Variants in SPMAP2 observed in about 807,000 individuals in gnomAD.
SPMAP2 encodes Theg homolog.
chr19:375,802 G>C, the SPMAP2 span: 1 of 1,610,032 alleles, frequency 6.2e-7, no homozygotes, highest in Non-Finnish European at 8.5e-7. Context: ...GGGTCTTCTG[G>C]TCCCAGCTCT....
the SPMAP2 span, chr19:371,308 C>T: frequency 2.0e-6 from 3 of 1,479,124 alleles, no homozygotes; most frequent in East Asian, 2.6e-5. Flanking sequence ...AGGAATGGGC[C>T]AGACAGGAGT....
At chr19:374,032 A>G in the SPMAP2 span, 1 of 1,610,578 alleles carries the variant, frequency 6.2e-7, no homozygotes, top group Non-Finnish European at 8.5e-7. Flanking sequence ...ACAGGGTCCG[A>G]GCCCCACTGC....
chr19:372,169 C>T, the SPMAP2 span, among the ~76,000 whole-genome samples: 27 of 148,948 alleles, frequency 1.8e-4, no homozygotes, highest in Non-Finnish European at 1.0e-4. Context: ...TTCCTTCATA[C>T]GCTGCATAAA....
chr19:375,309 T>C, the SPMAP2 span, among the ~76,000 whole-genome samples: 2 of 152,242 alleles, frequency 1.3e-5, no homozygotes, highest in African/African-American at 4.8e-5. Flanking sequence ...TTTTTTCCCA[T>C]TTCTTATTCT....
At chr19:362,326 G>A in the SPMAP2 span, 1 of 1,610,806 alleles carries the variant, frequency 6.2e-7, no homozygotes, top group Admixed American at 1.7e-5. Flanking sequence ...GCTTGGCCAG[G>A]GAGATGATCC....
At chr19:371,124 C>A in the SPMAP2 span, 1 of 818,158 alleles carries the variant, frequency 1.2e-6, no homozygotes, top group Non-Finnish European at 1.8e-6. Context: ...CCCTGACTCC[C>A]AAACGCAAAG....
At chr19:372,566 G>T in the SPMAP2 span, 1 of 1,528,974 alleles carries the variant, frequency 6.5e-7, no homozygotes, top group Non-Finnish European at 9.1e-7. Context: ...ATCCTGTCAG[G>T]CGAGAATAAG....
At chr19:362,004 C>A in the SPMAP2 span, 9 of 425,190 alleles carry the variant, frequency 2.1e-5, no homozygotes, top group East Asian at 3.3e-4. Flanking sequence ...AGAAGGCGCT[C>A]GAGATGGTCA....
At chr19:362,284 G>A in the SPMAP2 span, 30 of 1,602,846 alleles carry the variant, frequency 1.9e-5, no homozygotes, top group Admixed American at 2.0e-4. Flanking sequence ...GACGCCTGTC[G>A]TATCCCTCGT....
chr19:364,275 T>G, the SPMAP2 span, among the ~76,000 whole-genome samples: 1 of 139,578 alleles, frequency 7.2e-6, no homozygotes. Context: ...AGGCGGAGCT[T>G]GCAGTGAGCT....
At chr19:369,259 T>C in the SPMAP2 span, among the ~76,000 whole-genome samples, 4 of 152,038 alleles carry the variant, frequency 2.6e-5, no homozygotes, top group African/African-American at 9.7e-5. Context: ...CGTTTAGGAA[T>C]AATCAGGTGA....
the SPMAP2 span, chr19:374,262 G>A: frequency 3.4e-5 from 54 of 1,608,212 alleles, no homozygotes; most frequent in Admixed American, 1.7e-4. Context: ...AGCCGCCCAC[G>A]CTGCCCCTAC....
chr19:373,677 G>A, the SPMAP2 span: 29,822 of 717,348 alleles, frequency 0.042, 818 homozygotes, highest in Middle Eastern at 0.087. Context: ...ACAGTGGGGG[G>A]GCCGGCGGGA....
At chr19:367,240 G>C in the SPMAP2 span, 1 of 1,583,278 alleles carries the variant, frequency 6.3e-7, no homozygotes, top group Non-Finnish European at 8.6e-7. Flanking sequence ...AAGAGAAATA[G>C]AGAGAAGGGT....
the SPMAP2 span, chr19:361,771 G>C: frequency 2.2e-5 from 2 of 90,458 alleles, 1 homozygote; most frequent in African/African-American, 9.9e-5. Context: ...GCCCTCAGCA[G>C]GAGCGTCGGC....
the SPMAP2 span, chr19:375,879 C>A: frequency 1.6e-5 from 25 of 1,566,916 alleles, no homozygotes; most frequent in Non-Finnish European, 2.1e-5. Flanking sequence ...GCTCTGGAGG[C>A]CACGGGGGTC....
the SPMAP2 span, chr19:373,477 T>C: frequency 6.2e-7 from 1 of 1,613,154 alleles, no homozygotes; most frequent in East Asian, 2.2e-5. Flanking sequence ...TACCGGGCAC[T>C]GTGATGGTGA....
the SPMAP2 span, chr19:373,440 G>A: frequency 1.2e-6 from 2 of 1,611,094 alleles, no homozygotes; most frequent in Non-Finnish European, 1.7e-6. Context: ...GCCGGGGGCA[G>A]GGGTCTCAGC....
At chr19:367,083 G>A in the SPMAP2 span, 29 of 1,612,888 alleles carry the variant, frequency 1.8e-5, no homozygotes, top group African/African-American at 6.7e-5. Context: ...TGAAGGAGGC[G>A]GTTATGGTCT....
Sources: allele counts gnomAD v4.1 joint callset (sites outside exome capture counted in the v4.1 genomes callset), GRCh38; gene constraint gnomAD v4.1.1; transcripts MANE v1.5; gene names NCBI Gene and HGNC (gene_info 2026-07-23, HGNC 2026-07-21).